Variants in GATAD2A observed in about 807,000 individuals in gnomAD.
GATAD2A encodes transcriptional repressor p66-alpha.
GATAD2A carries 12 observed loss-of-function variants against 68.5 expected under a neutral mutation model. The ratio of observed to expected loss-of-function variants is 0.18; its 90% CI spans 0.11 to 0.28. The LOEUF (loss-of-function observed/expected upper bound fraction) is 0.28, where lower values mean the gene tolerates loss of function less well. Ranked by LOEUF, GATAD2A falls within the 10% of genes least tolerant of loss-of-function variation. GATAD2A has a pLI of 1.00. For synonymous variants in GATAD2A, 410 were observed against 375.3 expected, an observed-to-expected ratio of 1.09 and a Z score of -1.07; for missense variants, 755 against 868.5, an observed-to-expected ratio of 0.87 and a Z score of 1.64.
chr19:19,430,861 G>A (rs117261566), intron 1 of GATAD2A, among the ~76,000 whole-genome samples: 2,479 of 152,240 alleles, frequency 0.016, 80 homozygotes, highest in South Asian at 0.085. Context: ...AAGGACTTCT[G>A]TTGCCCAAAG....
chr19:19,403,920 C>G (rs1465643017), upstream of GATAD2A, among the ~76,000 whole-genome samples: 2 of 152,148 alleles, frequency 1.3e-5, no homozygotes, highest in Non-Finnish European at 1.5e-5. Context: ...GAGAATAAGA[C>G]TGTTTTGTTT....
intron 1 of GATAD2A, among the ~76,000 whole-genome samples, chr19:19,413,803 T>C (rs1467051852): frequency 1.3e-5 from 2 of 152,190 alleles, no homozygotes; most frequent in Non-Finnish European, 2.9e-5. Context: ...CAGGCTGGTC[T>C]CGAACTCCTG....
At position 19,501,912 on chromosome 19, in the gene GATAD2A, C is replaced by A. The variant is rs28539064; in HGVS notation, c.1504-57C>A. Reference sequence around the variant, plus strand: ...CTGTCCTGTGGGGCTCACCCTCGGTCACCCTGGGCCGGCCAGCGGACCGCA... The same window carrying A: ...CTGTCCTGTGGGGCTCACCCTCGGTAACCCTGGGCCGGCCAGCGGACCGCA... On this transcript the variant is annotated intron_variant, in intron 9 of 11. Transcript: ENST00000683918. 2,940 of 1,383,376 alleles carry A rather than the reference C, an allele frequency of 2.1e-3. 57 individuals are homozygous for A. In the African/African-American group the frequency reaches 0.038, roughly 18 times the overall value. 85.7% of individuals were successfully genotyped at this position (1,383,376 alleles called of 1,614,324 possible).
At chr19:19,484,518 C>CT (rs58628123) in intron 2 of GATAD2A, among the ~76,000 whole-genome samples, 2,669 of 114,416 alleles carry the variant, frequency 0.023, 36 homozygotes, top group Non-Finnish European at 0.032. Context: ...TTTTCTTTTT[C>CT]TTTTTTTTTT....
chr19:19,486,817 G>A (rs2059468621), intron 2 of GATAD2A, among the ~76,000 whole-genome samples: 1 of 152,206 alleles, frequency 6.6e-6, no homozygotes, highest in African/African-American at 2.4e-5. Context: ...CACCTCACCA[G>A]GCAGCCCTGA....
chr19:19,498,849 C>A, intron 8 of GATAD2A, 127 bp downstream of exon 8: 1 of 768,922 alleles, frequency 1.3e-6, no homozygotes. Context: ...CCTGGGTGGG[C>A]TTGGCAGGGA....
chr19:19,410,947 C>T (rs534784527), intron 1 of GATAD2A, among the ~76,000 whole-genome samples: 26 of 152,320 alleles, frequency 1.7e-4, no homozygotes, highest in African/African-American at 6.0e-4. Context: ...CTGTGTGTTC[C>T]ACATGTTGCA....
At chr19:19,447,491 G>C (rs1215700242) in intron 1 of GATAD2A, among the ~76,000 whole-genome samples, 2 of 152,198 alleles carry the variant, frequency 1.3e-5, no homozygotes, top group African/African-American at 4.8e-5. Context: ...GTTGGTGTGG[G>C]TGTCTATACA....
At chr19:19,389,832 G>A (rs1397640735) in intron 1 of GATAD2A, among the ~76,000 whole-genome samples, 2 of 152,086 alleles carry the variant, frequency 1.3e-5, no homozygotes, top group Non-Finnish European at 2.9e-5. Flanking sequence ...GTGCGATCTC[G>A]GCTCACTGCA....
intron 2 of GATAD2A, among the ~76,000 whole-genome samples, chr19:19,484,487 C>T (rs1401346239): frequency 6.6e-6 from 1 of 150,390 alleles, no homozygotes; most frequent in Non-Finnish European, 1.5e-5. Context: ...ATAACTGTGT[C>T]CTTTTTCTCT....
intron 1 of GATAD2A, among the ~76,000 whole-genome samples, chr19:19,395,520 T>G (rs2049164285): frequency 6.6e-6 from 1 of 152,068 alleles, no homozygotes; most frequent in Non-Finnish European, 1.5e-5. Flanking sequence ...TTGTCAGAGC[T>G]GGAAGCCACC....
intron 1 of GATAD2A, among the ~76,000 whole-genome samples, chr19:19,391,675 C>T (rs2048853973): frequency 6.6e-6 from 1 of 151,852 alleles, no homozygotes; most frequent in Non-Finnish European, 1.5e-5. Context: ...AATAAAAAAC[C>T]TTGGATAGTT....
At chr19:19,455,114 G>A (rs2056805749) in intron 1 of GATAD2A, among the ~76,000 whole-genome samples, 1 of 152,120 alleles carries the variant, frequency 6.6e-6, no homozygotes, top group African/African-American at 2.4e-5. Flanking sequence ...TAGCTACTTG[G>A]GAGGCTGAGG....
intron 1 of GATAD2A, among the ~76,000 whole-genome samples, chr19:19,437,116 C>G (rs979805853): frequency 6.6e-6 from 1 of 152,152 alleles, no homozygotes; most frequent in Admixed American, 6.5e-5. Flanking sequence ...ATGAAACTTT[C>G]GTGGTACTTA....
intron 1 of GATAD2A, among the ~76,000 whole-genome samples, chr19:19,457,506 C>T (rs555743130): frequency 2.6e-5 from 4 of 152,024 alleles, no homozygotes; most frequent in African/African-American, 4.8e-5. Flanking sequence ...TTTGGGAGGC[C>T]GAGGCGGGCG....
chr19:19,434,929 C>T (rs922319132), intron 1 of GATAD2A: 6 of 305,174 alleles, frequency 2.0e-5, no homozygotes, highest in African/African-American at 4.4e-5. Context: ...CACATCATGC[C>T]CTCATCTTGA....
At chr19:19,405,656 G>A (rs535261565), upstream of GATAD2A, 22 of 149,606 alleles carry the variant, frequency 1.5e-4, no homozygotes, top group African/African-American at 5.3e-4. Flanking sequence ...TTCTCGTCAG[G>A]CCCCGCCCCT....
chr19:19,444,477 A>G (rs1309079752), intron 1 of GATAD2A, among the ~76,000 whole-genome samples: 2 of 152,136 alleles, frequency 1.3e-5, no homozygotes. Flanking sequence ...TTGGCACCCC[A>G]AGGGTGTCCC....
chr19:19,473,711 G>A (rs2058475669), intron 2 of GATAD2A, among the ~76,000 whole-genome samples: 1 of 151,802 alleles, frequency 6.6e-6, no homozygotes. Flanking sequence ...GCCGAGGCGG[G>A]CAGATCACGA....
Sources: gnomAD v4.1 joint callset for allele counts (sites outside exome capture counted in the v4.1 genomes callset) on GRCh38, gnomAD v4.1.1 for gene constraint, MANE v1.5 for transcripts, NCBI Gene and HGNC (gene_info 2026-07-23, HGNC 2026-07-21) for gene names.